Variants in ADAMTSL1 observed in about 807,000 individuals in gnomAD.
ADAMTSL1 encodes ADAMTS like 1.
Under a neutral mutation model 201.8 loss-of-function variants are expected in ADAMTSL1, and 126 were observed. That is an observed-to-expected ratio of 0.62 (90% CI 0.54 to 0.72). The LOEUF is 0.72. Among genes scored for constraint, ADAMTSL1 ranks in the 30% least tolerant of loss-of-function variants. The pLI is 0.00. For missense variants in ADAMTSL1, 2,679 were observed against 2,277.8 expected (o/e 1.18, Z -3.59); for synonymous variants, 1,121 against 903.4 (o/e 1.24, Z -4.32).
intron 2 of ADAMTSL1, among the ~76,000 whole-genome samples, chr9:18,344,757 G>C (rs987598942): frequency 6.6e-6 from 1 of 152,102 alleles, no homozygotes; most frequent in Non-Finnish European, 1.5e-5. Flanking sequence ...GAACAACTGT[G>C]GGGTGGAGGT....
intron 2 of ADAMTSL1, among the ~76,000 whole-genome samples, chr9:18,274,595 G>C (rs914043649): frequency 1.3e-5 from 2 of 152,106 alleles, no homozygotes; most frequent in African/African-American, 4.8e-5. Flanking sequence ...CATTTAGAGA[G>C]AAACAAGTCT....
chr9:18,802,604 A>G (rs933005027), intron 20 of ADAMTSL1, among the ~76,000 whole-genome samples: 1 of 152,196 alleles, frequency 6.6e-6, no homozygotes, highest in Non-Finnish European at 1.5e-5. Flanking sequence ...TTCTCCATTC[A>G]TCAGGTGATG....
chr9:17,965,177 C>T (rs1817932704), intron 1 of ADAMTSL1, among the ~76,000 whole-genome samples: 1 of 152,098 alleles, frequency 6.6e-6, no homozygotes, highest in African/African-American at 2.4e-5. Context: ...TATTTCTTTT[C>T]TATCTATTTT....
rs370482767 is a variant in ADAMTSL1 at position 18,873,073 on chromosome 9, T to G, written c.4250-14758T>G. Among the ~76,000 whole-genome samples, 15 of 152,332 alleles carry G rather than the reference T, an allele frequency of 9.8e-5. No homozygotes were observed. In the East Asian group the frequency reaches 1.7e-3, roughly 18 times the overall value. ...TGATTTGTATTTCTCTGATAATTAG[T>G]GATGTTGAGCATTTTTTCAAAAGTT... On this transcript the variant is annotated intron_variant, in intron 23 of 28. Transcript: ENST00000380548.
chr9:18,680,059 T>G (rs1430066694), intron 10 of ADAMTSL1, among the ~76,000 whole-genome samples: 1 of 152,224 alleles, frequency 6.6e-6, no homozygotes, highest in African/African-American at 2.4e-5. Context: ...CACATATCTT[T>G]GTGGACAGCT....
intron 2 of ADAMTSL1, among the ~76,000 whole-genome samples, chr9:18,168,118 G>A (rs1465181857): frequency 1.3e-5 from 2 of 149,330 alleles, no homozygotes; most frequent in African/African-American, 2.5e-5. Context: ...TTCTTAACTA[G>A]TTTTTTTTTT....
At chr9:18,077,398 T>C (rs1412784645) in intron 1 of ADAMTSL1, among the ~76,000 whole-genome samples, 2 of 152,130 alleles carry the variant, frequency 1.3e-5, no homozygotes, top group East Asian at 3.9e-4. Context: ...GCAAAGGAGA[T>C]GGAGAACAGC....
At chr9:18,689,184 A>T (rs1167863618) in intron 13 of ADAMTSL1, among the ~76,000 whole-genome samples, 2 of 152,174 alleles carry the variant, frequency 1.3e-5, no homozygotes, top group Non-Finnish European at 2.9e-5. Context: ...AGCTAAAAAA[A>T]TTACTGACAG....
chr9:18,585,130 C>T (rs144068184), intron 4 of ADAMTSL1, among the ~76,000 whole-genome samples: 2 of 151,950 alleles, frequency 1.3e-5, no homozygotes, highest in South Asian at 2.1e-4. Context: ...TTTTTGTCAC[C>T]GTAGCTGGGT....
At chr9:18,125,380 G>A (rs138897097) in intron 1 of ADAMTSL1, among the ~76,000 whole-genome samples, 1 of 152,200 alleles carries the variant, frequency 6.6e-6, no homozygotes, top group African/African-American at 2.4e-5. Flanking sequence ...GGGAGTTGTG[G>A]GAGTTAAATT....
chr9:18,432,387 A>C (rs12551207), intron 2 of ADAMTSL1, among the ~76,000 whole-genome samples: 35,118 of 152,078 alleles, frequency 0.23, 4,348 homozygotes, highest in East Asian at 0.45. Context: ...TTTCAACTAG[A>C]ATCTTATGTA....
intron 2 of ADAMTSL1, among the ~76,000 whole-genome samples, chr9:18,177,219 T>C (rs983514147): frequency 5.3e-5 from 8 of 152,160 alleles, no homozygotes; most frequent in Non-Finnish European, 1.2e-4. Context: ...CCCCAAAGAA[T>C]GAATGAATGC....
chr9:18,027,050 T>G (rs1327131525), intron 1 of ADAMTSL1, among the ~76,000 whole-genome samples: 2 of 151,988 alleles, frequency 1.3e-5, no homozygotes, highest in Non-Finnish European at 2.9e-5. Flanking sequence ...GAATTGGTTG[T>G]GATATCACCT....
chr9:18,682,783 A>G (rs1157698997), intron 12 of ADAMTSL1, among the ~76,000 whole-genome samples: 1 of 152,186 alleles, frequency 6.6e-6, no homozygotes, highest in Non-Finnish European at 1.5e-5. Context: ...ATTATACTAT[A>G]GGTGGCCCTA....
At position 18,075,326 on chromosome 9, in the gene ADAMTSL1, A is replaced by G. The variant is rs1312685082; in HGVS notation, c.88-88536A>G. ...CACTTGTATGCATTTTTAAAAAGTG[A>G]AGTAGAAGTGAGGTCACAGTCAATG... is the stretch of plus-strand genomic sequence containing the variant. On this transcript the variant is annotated intron_variant, in intron 1 of 29. Coordinates refer to the ADAMTSL1 transcript ENST00000680146. Among the ~76,000 whole-genome samples the G allele has an allele frequency of 4.6e-5, 7 of 152,326 alleles. No homozygotes were observed. The East Asian group carries it at 1.4e-3, about 29-fold the overall frequency.
chr9:18,022,114 C>G (rs1389867426), intron 1 of ADAMTSL1, among the ~76,000 whole-genome samples: 1 of 152,072 alleles, frequency 6.6e-6, no homozygotes, highest in East Asian at 1.9e-4. Flanking sequence ...TGTGATGTGT[C>G]TAAACCACCC....
At chr9:18,759,309 GAA>G (rs988110462) in intron 16 of ADAMTSL1, among the ~76,000 whole-genome samples, 1 of 152,086 alleles carries the variant, frequency 6.6e-6, no homozygotes, top group Non-Finnish European at 1.5e-5. Flanking sequence ...GTGATACAAA[GAA>G]AAAGAGAATT....
chr9:18,348,307 C>T (rs1456934759), intron 2 of ADAMTSL1, among the ~76,000 whole-genome samples: 1 of 152,120 alleles, frequency 6.6e-6, no homozygotes, highest in Admixed American at 6.5e-5. Flanking sequence ...AGGGCCAGCA[C>T]ACAGAATCAG....
At chr9:18,622,847 C>T (rs1035169758) in intron 5 of ADAMTSL1, among the ~76,000 whole-genome samples, 13 of 152,090 alleles carry the variant, frequency 8.5e-5, no homozygotes, top group Admixed American at 2.6e-4. Flanking sequence ...GCAGTGATTA[C>T]GTGACGTTTT....
Sources: gnomAD v4.1 joint callset for allele counts (sites outside exome capture counted in the v4.1 genomes callset) on GRCh38, gnomAD v4.1.1 for gene constraint, MANE v1.5 for transcripts, NCBI Gene and HGNC (gene_info 2026-07-23, HGNC 2026-07-21) for gene names.